Variants in GRAMD2B observed in about 807,000 individuals in gnomAD.
GRAMD2B encodes the protein GRAM domain-containing protein 2B.
GRAMD2B carries 41 observed loss-of-function variants against 59.2 expected under a neutral mutation model. That is an observed-to-expected ratio of 0.69 (90% confidence interval 0.54 to 0.90). The LOEUF is 0.90. Among genes scored for constraint, GRAMD2B ranks in the 40% least tolerant of loss-of-function variants. The pLI is 0.00. For synonymous variants in GRAMD2B, 161 were observed against 182.7 expected (o/e 0.88, Z 0.96); for missense variants, 424 against 500.5 (o/e 0.85, Z 1.46).
intron 1 of GRAMD2B, among the ~76,000 whole-genome samples, chr5:126,374,577 A>G (rs1246835063): frequency 6.6e-6 from 1 of 152,118 alleles, no homozygotes; most frequent in African/African-American, 2.4e-5. Flanking sequence ...TATTTTCTTT[A>G]TGATTTGTTT....
intron 1 of GRAMD2B, among the ~76,000 whole-genome samples, chr5:126,444,778 G>C (rs1763917340): frequency 1.3e-5 from 2 of 152,152 alleles, no homozygotes; most frequent in African/African-American, 4.8e-5. Flanking sequence ...ATGGTGGTTT[G>C]CTGCACAGAT....
At chr5:126,366,291 T>C (rs1754433761) in intron 1 of GRAMD2B, among the ~76,000 whole-genome samples, 1 of 152,200 alleles carries the variant, frequency 6.6e-6, no homozygotes, top group Non-Finnish European at 1.5e-5. Context: ...TTATCACCAG[T>C]GTCAACACTC....
intron 1 of GRAMD2B, among the ~76,000 whole-genome samples, chr5:126,382,906 C>G (rs2149706862): frequency 6.6e-6 from 1 of 152,258 alleles, no homozygotes; most frequent in South Asian, 2.1e-4. Flanking sequence ...AGTACTCTCC[C>G]CCTTCCCCTA....
upstream of GRAMD2B, among the ~76,000 whole-genome samples, chr5:126,422,867 C>G (rs1342607426): frequency 6.6e-6 from 1 of 152,018 alleles, no homozygotes; most frequent in Non-Finnish European, 1.5e-5. Flanking sequence ...CAGTCATAAC[C>G]CAATATTTGA....
chr5:126,451,977 T>C (rs1354216094), intron 1 of GRAMD2B, among the ~76,000 whole-genome samples: 1 of 152,116 alleles, frequency 6.6e-6, no homozygotes, highest in African/African-American at 2.4e-5. Context: ...TCCACCACGA[T>C]TGTAAGCTCC....
rs1218073566 is a variant in GRAMD2B, at chr5:126,363,289, G to A, written c.128+2830G>A. On this transcript the variant is annotated intron_variant, in intron 1 of 13. Coordinates refer to the GRAMD2B transcript ENST00000513040. ...ATGCAACGCCACTTCATACCCACTCGAATGGCTATATCAAAAACAAAAAAA... is the reference window on the plus strand; with the variant it reads ...ATGCAACGCCACTTCATACCCACTCAAATGGCTATATCAAAAACAAAAAAA... 4.0e-5 allele frequency among the ~76,000 whole-genome samples: 6 copies of A among 151,840 alleles called. No homozygotes were observed. In the East Asian group the frequency reaches 7.7e-4, roughly 19 times the overall value.
intron 1 of GRAMD2B, among the ~76,000 whole-genome samples, chr5:126,424,330 C>T (rs11743193): frequency 0.18 from 26,604 of 151,898 alleles, 2,467 homozygotes; most frequent in Middle Eastern, 0.27. Flanking sequence ...TTTTTTCCTA[C>T]AAAGTGGTAT....
At chr5:126,478,830 G>A (rs1260772348) in intron 6 of GRAMD2B, among the ~76,000 whole-genome samples, 1 of 152,182 alleles carries the variant, frequency 6.6e-6, no homozygotes, top group Non-Finnish European at 1.5e-5. Context: ...ATAGTGAGGA[G>A]TTCCTGGTGT....
intron 1 of GRAMD2B, among the ~76,000 whole-genome samples, chr5:126,389,538 T>TA (rs1444826882): frequency 4.6e-5 from 7 of 152,322 alleles, no homozygotes; most frequent in African/African-American, 1.7e-4. Context: ...GAATGGTTTT[T>TA]TTATTATTAT....
intron 1 of GRAMD2B, among the ~76,000 whole-genome samples, chr5:126,457,373 C>A (rs1210071156): frequency 6.6e-6 from 1 of 152,032 alleles, no homozygotes; most frequent in African/African-American, 2.4e-5. Context: ...GTGGCTCACA[C>A]CTGTAATCCC....
upstream of GRAMD2B, among the ~76,000 whole-genome samples, chr5:126,368,619 A>G (rs1267154400): frequency 6.6e-6 from 1 of 152,078 alleles, no homozygotes. Context: ...AGGGAGGCAA[A>G]AGCATTCCTT....
intron 12 of GRAMD2B, among the ~76,000 whole-genome samples, chr5:126,487,814 T>C (rs1773232316): frequency 6.6e-6 from 1 of 152,242 alleles, no homozygotes; most frequent in Non-Finnish European, 1.5e-5. Flanking sequence ...GTTTGCAGAT[T>C]CAGCTGCAGG....
At chr5:126,412,806 C>G (rs1426178150) in intron 1 of GRAMD2B, among the ~76,000 whole-genome samples, 1 of 151,978 alleles carries the variant, frequency 6.6e-6, no homozygotes, top group Non-Finnish European at 1.5e-5. Context: ...TTGGTCTATT[C>G]AGGGTTTCAA....
At chr5:126,427,655 A>G (rs1257339813) in intron 1 of GRAMD2B, among the ~76,000 whole-genome samples, 2 of 152,244 alleles carry the variant, frequency 1.3e-5, no homozygotes, top group African/African-American at 4.8e-5. Flanking sequence ...TACTTAAAAT[A>G]GTGAATTCAA....
intron 8 of GRAMD2B, among the ~76,000 whole-genome samples, chr5:126,483,236 G>T (rs899184672): frequency 6.6e-6 from 1 of 152,086 alleles, no homozygotes; most frequent in South Asian, 2.1e-4. Flanking sequence ...TTGTTGTTTC[G>T]AACGAGTTGG....
At chr5:126,397,491 TGGG>T (rs1414340773) in intron 1 of GRAMD2B, among the ~76,000 whole-genome samples, 1 of 152,126 alleles carries the variant, frequency 6.6e-6, no homozygotes, top group African/African-American at 2.4e-5. Context: ...CCCAAAGTGC[TGGG>T]ATTATAGGTG....
At chr5:126,371,633 G>A in intron 1 of GRAMD2B, 1 of 1,185,650 alleles carries the variant, frequency 8.4e-7, no homozygotes, top group Non-Finnish European at 1.1e-6. Context: ...CCCAACTGGT[G>A]ACCCTTGGAG....
chr5:126,481,282 G>A (rs1415445963), intron 8 of GRAMD2B, among the ~76,000 whole-genome samples: 1 of 151,176 alleles, frequency 6.6e-6, no homozygotes, highest in Admixed American at 6.6e-5. Context: ...ATGCCCAAGT[G>A]ACAGGTAAAG....
At chr5:126,463,800 C>T (rs981454880) in intron 1 of GRAMD2B, among the ~76,000 whole-genome samples, 1 of 152,270 alleles carries the variant, frequency 6.6e-6, no homozygotes, top group East Asian at 1.9e-4. Flanking sequence ...GGGCAGATCA[C>T]CTGAGGTCAG....
Sources: gnomAD v4.1 joint callset for allele counts (sites outside exome capture counted in the v4.1 genomes callset) on GRCh38, gnomAD v4.1.1 for gene constraint, MANE v1.5 for transcripts, NCBI Gene and HGNC (gene_info 2026-07-23, HGNC 2026-07-21) for gene names.